CAMK2D: variants seen among roughly 807,000 people sequenced by gnomAD.
CAMK2D encodes the protein calcium/calmodulin-dependent protein kinase type II subunit delta.
In CAMK2D, 37 loss-of-function variants were observed where a neutral mutation model predicts 84.0. The observed-to-expected ratio is 0.44, with a 90% CI of 0.34 to 0.58. The LOEUF (loss-of-function observed/expected upper bound fraction) is 0.58, where lower values mean the gene tolerates loss of function less well. CAMK2D is among the 20% of genes least tolerant of loss of function. The pLI is 0.02. For missense variants in CAMK2D, 448 were observed against 652.5 expected (o/e 0.69, Z 3.41); for synonymous variants, 202 against 212.5 (o/e 0.95, Z 0.43).
intron 4 of CAMK2D, among the ~76,000 whole-genome samples, chr4:113,564,598 G>A (rs2098713741): frequency 6.6e-6 from 1 of 151,628 alleles, no homozygotes; most frequent in Admixed American, 6.6e-5. Flanking sequence ...CTTATTTTTG[G>A]TATCCCTTGA....
intron 2 of CAMK2D, among the ~76,000 whole-genome samples, chr4:113,722,653 C>T (rs1321125889): frequency 3.3e-5 from 5 of 151,990 alleles, no homozygotes; most frequent in Admixed American, 6.6e-5. Flanking sequence ...TATGAATAAT[C>T]ATATTGGGGA....
At chr4:113,754,588 T>C (rs886674764) in intron 2 of CAMK2D, 3 of 982,640 alleles carry the variant, frequency 3.1e-6, no homozygotes, top group African/African-American at 1.7e-5. Context: ...GTTATTAATA[T>C]CACAGTATGG....
At position 113,761,051 on chromosome 4, in the gene CAMK2D, G is replaced by A. The variant is rs1354890580; in HGVS notation, c.18C>T (p.Thr6=). The change falls in exon 1 of 21, where the codon ACC becomes ACT. Residue 6 remains threonine (T), a synonymous_variant. Coordinates refer to ENST00000511664, the MANE Select transcript of CAMK2D (RefSeq NM_001321571.2). MASTT[T]CTRFTDEYQL... is the part of the protein sequence containing the mutation. ...GATACTCGTCCGTGAACCTGGTGCA[G>A]GTTGTGGTCGAAGCCATCCTCGGTC... The A allele has an allele frequency of 1.2e-6, 2 of 1,614,230 alleles. No homozygotes were observed. Among genetic ancestry groups the A allele is most frequent in the Admixed American group, 1.7e-5 (1 of 60,036 alleles).
chr4:113,705,144 T>C (rs2099441722), intron 2 of CAMK2D, among the ~76,000 whole-genome samples: 1 of 148,564 alleles, frequency 6.7e-6, no homozygotes, highest in Non-Finnish European at 1.5e-5. Context: ...GGTGAAACCC[T>C]ATCTCTACTA....
At chr4:113,742,570 ATTT>A (rs143698248) in intron 2 of CAMK2D, among the ~76,000 whole-genome samples, 1 of 147,106 alleles carries the variant, frequency 6.8e-6, no homozygotes, top group African/African-American at 2.5e-5. Flanking sequence ...TCTTGAGTTC[ATTT>A]TTTTTTTTTC....
intron 2 of CAMK2D, among the ~76,000 whole-genome samples, chr4:113,710,501 C>T (rs2099488879): frequency 6.6e-6 from 1 of 152,270 alleles, no homozygotes; most frequent in African/African-American, 2.4e-5. Context: ...CAACACACAA[C>T]AATCACAGCT....
At chr4:113,754,472 A>C in intron 2 of CAMK2D, 1 of 930,158 alleles carries the variant, frequency 1.1e-6, no homozygotes, top group African/African-American at 1.8e-5. Context: ...ATATTGCTAA[A>C]TTTTAATTTT....
At chr4:113,462,308 C>G (rs369709892) in intron 17 of CAMK2D, among the ~76,000 whole-genome samples, 12,007 of 104,284 alleles carry the variant, frequency 0.12, 770 homozygotes, top group South Asian at 0.26. Context: ...GTCTGTCTGT[C>G]TGTCTGTCTG....
chr4:113,716,915 G>A (rs781376695), intron 2 of CAMK2D, among the ~76,000 whole-genome samples: 1 of 152,094 alleles, frequency 6.6e-6, no homozygotes, highest in African/African-American at 2.4e-5. Flanking sequence ...CAATGATACA[G>A]TTATGAACAC....
chr4:113,655,317 G>A (rs2099194277), intron 3 of CAMK2D, among the ~76,000 whole-genome samples: 1 of 152,048 alleles, frequency 6.6e-6, no homozygotes, highest in African/African-American at 2.4e-5. Context: ...GTGTATGAGT[G>A]AGTGTGTTTA....
intron 2 of CAMK2D, among the ~76,000 whole-genome samples, chr4:113,698,003 T>C (rs2099407864): frequency 1.3e-5 from 2 of 152,040 alleles, no homozygotes; most frequent in Non-Finnish European, 2.9e-5. Flanking sequence ...CCATCAGAAG[T>C]TAAAAATATT....
At chr4:113,642,572 C>T (rs190382932) in intron 3 of CAMK2D, among the ~76,000 whole-genome samples, 44 of 152,290 alleles carry the variant, frequency 2.9e-4, no homozygotes, top group African/African-American at 4.3e-4. Context: ...AACTTAGCAG[C>T]GGAGTGAAGC....
chr4:113,754,528 T>A, intron 2 of CAMK2D: 9 of 955,704 alleles, frequency 9.4e-6, no homozygotes, highest in Non-Finnish European at 1.1e-5. Context: ...GAAGTATTAA[T>A]CTAATTGTCT....
At chr4:113,588,969 G>A (rs1236496018) in intron 4 of CAMK2D, among the ~76,000 whole-genome samples, 1 of 152,162 alleles carries the variant, frequency 6.6e-6, no homozygotes, top group South Asian at 2.1e-4. Context: ...GGGCAGGGAA[G>A]GCCTCTGTGA....
In CAMK2D at chr4:113,567,051, A is replaced by C. The variant is rs189532538; in HGVS notation, c.276-14955T>G. On this transcript the variant is annotated intron_variant, in intron 4 of 20. Transcript: ENST00000511664. ...CTGACTGAATTACTTAAAAAAAATC[A>C]GATGCACTAACACTGAGATCAAACA... 4.6e-5 allele frequency among the ~76,000 whole-genome samples: 7 copies of C among 152,280 alleles called. No homozygotes were observed. The East Asian group carries it at 1.4e-3, about 29-fold the overall frequency.
intron 4 of CAMK2D, among the ~76,000 whole-genome samples, chr4:113,574,961 G>A (rs1197358110): frequency 6.6e-6 from 1 of 152,112 alleles, no homozygotes; most frequent in East Asian, 1.9e-4. Flanking sequence ...AGCAGCATAT[G>A]GTGAAATCAG....
In CAMK2D at chr4:113,455,839, A is replaced by G. The variant is rs758327554; in HGVS notation, c.1536-18T>C. 1.4e-6 allele frequency: 2 copies of G among 1,452,096 alleles called. No individual in the cohort carries two copies. Among genetic ancestry groups the G allele is most frequent in the Non-Finnish European group, 1.9e-6 (2 of 1,032,930 alleles). The allele number at this position is 1,452,096 out of a possible 1,614,324, so 90.0% of individuals were successfully genotyped here. On this transcript the variant is annotated intron_variant, in intron 19 of 20. Transcript: ENST00000511664. Reference sequence around the variant, plus strand: ...AGGGTGGCCTATTAAGAGAAGCCCCATTTAAGCCACCTGGCATAAAATGAA... The same window carrying G: ...AGGGTGGCCTATTAAGAGAAGCCCCGTTTAAGCCACCTGGCATAAAATGAA...
chr4:113,531,312 G>C lies in CAMK2D; in HGVS notation c.518-13C>G, dbSNP rs370655349. Reference sequence around the variant, plus strand: ...GTGCCAGCAAAACCTAGGGAAAAGAGATGTTAATGAGTCACAGTTGATTTG... The same window carrying C: ...GTGCCAGCAAAACCTAGGGAAAAGACATGTTAATGAGTCACAGTTGATTTG... On this transcript the variant is annotated splice_polypyrimidine_tract_variant and intron_variant, in intron 7 of 20. Coordinates refer to ENST00000511664, the MANE Select transcript of CAMK2D (RefSeq NM_001321571.2). The C allele has an allele frequency of 2.9e-6, 4 of 1,372,198 alleles. No individual in the cohort carries two copies. The African/African-American group carries it at 5.7e-5, about 20-fold the overall frequency. The allele number at this position is 1,372,198 out of a possible 1,614,324, so 85.0% of individuals were successfully genotyped here.
At chr4:113,657,251 T>C (rs1455786930) in intron 3 of CAMK2D, among the ~76,000 whole-genome samples, 3 of 152,160 alleles carry the variant, frequency 2.0e-5, no homozygotes, top group African/African-American at 7.2e-5. Context: ...CCCGGTCCCC[T>C]GGTATCAAAT....
Sources: allele counts gnomAD v4.1 joint callset (sites outside exome capture counted in the v4.1 genomes callset), GRCh38; gene constraint gnomAD v4.1.1; transcripts MANE v1.5; gene names NCBI Gene and HGNC (gene_info 2026-07-23, HGNC 2026-07-21).